TP53BP1: variants seen among roughly 807,000 people sequenced by gnomAD.
TP53BP1 encodes the protein tumor protein p53 binding protein 1.
In TP53BP1, 61 loss-of-function variants were observed where a neutral mutation model predicts 200.8. The observed-to-expected ratio is 0.30, with a 90% CI of 0.25 to 0.38. The LOEUF (loss-of-function observed/expected upper bound fraction) is 0.38. Among genes scored for constraint, TP53BP1 ranks in the 10% least tolerant of loss-of-function variants. TP53BP1 has a pLI of 1.00. For synonymous variants in TP53BP1, 822 were observed against 844.3 expected (o/e 0.97, Z 0.46); for missense variants, 2,144 against 2,371.9 (o/e 0.90, Z 2.00).
intron 11 of TP53BP1, among the ~76,000 whole-genome samples, chr15:43,467,725 A>T (rs2046620351): frequency 6.6e-6 from 1 of 152,058 alleles, no homozygotes; most frequent in East Asian, 1.9e-4. Context: ...CATTTTCTTT[A>T]AATCAGTGTT....
intron 15 of TP53BP1, among the ~76,000 whole-genome samples, chr15:43,439,970 C>G (rs2045887706): frequency 6.6e-6 from 1 of 152,158 alleles, no homozygotes; most frequent in Non-Finnish European, 1.5e-5. Flanking sequence ...AAAAAGGACT[C>G]TACGGTACTT....
In TP53BP1 at chr15:43,432,651, G is replaced by A. The variant is rs779216824; in HGVS notation, c.3218C>T (p.Ser1073Phe). ...IRGNLLHFPSSQGEEEKEKLE... is the reference protein window; with the variant it reads ...IRGNLLHFPSFQGEEEKEKLE... ...TTTTTCTTTCTCCTCTTCTCCTTGAGAACTTGGAAAGTGGAGCAAGTTCCC... is the reference window on the plus strand; with the variant it reads ...TTTTTCTTTCTCCTCTTCTCCTTGAAAACTTGGAAAGTGGAGCAAGTTCCC... Residue 1073 changes from serine to phenylalanine, a missense_variant, in exon 17 of 28, where the codon TCT (serine) becomes TTT (phenylalanine). Around this residue, in one of 4 missense-constraint regions of TP53BP1, gnomAD observed 1,700 missense variants for 1,710.3 expected, o/e 0.99. Transcript: ENST00000382044. 3 of 1,605,322 alleles carry A rather than the reference G, an allele frequency of 1.9e-6. No individual in the cohort carries two copies. Among genetic ancestry groups the A allele is most frequent in the African/African-American group, 1.3e-5 (1 of 74,682 alleles).
In TP53BP1 at chr15:43,432,410, G is replaced by A; in HGVS notation, c.3459C>T (p.Ser1153=). ...TGGTTTGGATTCCTATGTTATTTTG[G>A]CTGGGCCTTTCAATCAAGGCCTTAC... ...NPSKALIERP[S]QNNIGIQTME... is the part of the protein sequence containing the mutation. The change falls in exon 17 of 28, where the codon AGC becomes AGT. Residue 1153 remains serine (S), a synonymous_variant. Transcript: ENST00000382044. The A allele has an allele frequency of 6.2e-7, 1 of 1,614,140 alleles. No individual in the cohort carries two copies. Among genetic ancestry groups the A allele is most frequent in the Non-Finnish European group, 8.5e-7 (1 of 1,180,014 alleles).
rs772120085 is a variant in TP53BP1 at position 43,456,811 on chromosome 15, C to T, written c.1797G>A (p.Arg599=). The change falls in exon 12 of 28, where the codon AGG becomes AGA. Residue 599 remains arginine, a synonymous_variant. Coordinates refer to ENST00000382044, the MANE Select transcript of TP53BP1 (RefSeq NM_001141980.3). ...DKTKGDDTDT[R]DDISILATGC... Reference sequence around the variant, plus strand: ...CAGTGGCTAAAATACTAATGTCATCCCTGGTGTCTGTATCATCTCCCTTTG... The same window carrying T: ...CAGTGGCTAAAATACTAATGTCATCTCTGGTGTCTGTATCATCTCCCTTTG... 3.1e-6 allele frequency: 5 copies of T among 1,613,832 alleles called. No individual in the cohort carries two copies. The African/African-American group carries it at 6.7e-5, about 22-fold the overall frequency.
At chr15:43,508,246 G>C (rs747228577) in intron 1 of TP53BP1, among the ~76,000 whole-genome samples, 1 of 152,120 alleles carries the variant, frequency 6.6e-6, no homozygotes, top group Non-Finnish European at 1.5e-5. Flanking sequence ...TGTAGTCCCA[G>C]CTACTCAGGA....
At chr15:43,407,799 A>T (rs1165343723) in intron 27 of TP53BP1, 144 bp downstream of exon 27, 2 of 884,992 alleles carry the variant, frequency 2.3e-6, no homozygotes, top group Non-Finnish European at 3.5e-6. Flanking sequence ...ATGTTGACTC[A>T]CCTCTTGAAG....
Position 43,455,941 on chromosome 15 carries a change from C to A in TP53BP1, c.2667G>T (p.Leu889=). 6.2e-7 allele frequency: 1 copy of A among 1,614,146 alleles called. No individual in the cohort carries two copies. Among genetic ancestry groups the A allele is most frequent in the Non-Finnish European group, 8.5e-7 (1 of 1,180,034 alleles). ...QLSSDAEAQK[L]GKPSAHASQS... ...GTGAGGCATGGGCAGAGGGCTTCCCCAGCTTCTGGGCCTCTGCATCTGAGC... is the reference window on the plus strand; with the variant it reads ...GTGAGGCATGGGCAGAGGGCTTCCCAAGCTTCTGGGCCTCTGCATCTGAGC... The change falls in exon 12 of 28, where the codon CTG becomes CTT. Residue 889 remains leucine (L), a synonymous_variant. Coordinates refer to ENST00000382044, the MANE Select transcript of TP53BP1 (RefSeq NM_001141980.3).
In TP53BP1 at chr15:43,404,513, A is replaced by G. The variant is rs776580058; in HGVS notation, c.*2870T>C. On this transcript the variant is annotated 3_prime_UTR_variant, in exon 28 of 28. Coordinates refer to ENST00000382044, the MANE Select transcript of TP53BP1 (RefSeq NM_001141980.3). ...GCTCAACTACTGTTACGACTAGATT[A>G]TAACAAATACTATACCCAGGCTGGT... 1 of 1,614,178 alleles carries G rather than the reference A, an allele frequency of 6.2e-7. No homozygotes were observed. The highest frequency in any genetic ancestry group is 1.7e-5 in the Admixed American group (1 of 60,018).
chr15:43,456,977 T>C lies in TP53BP1; in HGVS notation c.1631A>G (p.Asp544Gly). 6.2e-7 allele frequency: 1 copy of C among 1,614,216 alleles called. No individual in the cohort carries two copies. The highest frequency in any genetic ancestry group is 8.5e-7 in the Non-Finnish European group (1 of 1,180,050). The change falls in exon 12 of 28, where the codon GAT becomes GGT. Residue 544 changes from aspartate (D) to glycine (G), a missense_variant. Physicochemically the swap from Asp to Gly is moderately conservative, Grantham distance 94. Around this residue, in one of 4 missense-constraint regions of TP53BP1, gnomAD observed 1,700 missense variants for 1,710.3 expected, o/e 0.99. Coordinates refer to ENST00000382044, the MANE Select transcript of TP53BP1 (RefSeq NM_001141980.3). ...ATCCTCAATCTGTGTGTTTTCTCCATCTTCATCAATTCTGTGAGAACTCAA... is the reference window on the plus strand; with the variant it reads ...ATCCTCAATCTGTGTGTTTTCTCCACCTTCATCAATTCTGTGAGAACTCAA... ...ESLSSHRIDE[D>G]GENTQIEDTE...
rs943862649 is a variant in TP53BP1, at chr15:43,406,883, G to A, written c.*500C>T. The A allele has an allele frequency of 3.6e-6, 1 of 280,616 alleles. No individual in the cohort carries two copies. The highest frequency in any genetic ancestry group is 7.0e-6 in the Non-Finnish European group (1 of 142,990). The allele number at this position is 280,616 out of a possible 1,614,324, so 17.4% of individuals were successfully genotyped here. ...TAAGAGTTGGGGAGTACCCACAGGT[G>A]AGCTGTGATCTCAGCTCAGAGAGAG... On this transcript the variant is annotated 3_prime_UTR_variant, in exon 28 of 28. Coordinates refer to ENST00000382044, the MANE Select transcript of TP53BP1 (RefSeq NM_001141980.3).
chr15:43,408,470 G>A (rs1376318805), intron 26 of TP53BP1: 3 of 262,884 alleles, frequency 1.1e-5, no homozygotes, highest in Non-Finnish European at 2.2e-5. Flanking sequence ...GACAGAGCAA[G>A]ACTTCATCTT....
chr15:43,418,689 C>T (rs536560493), intron 21 of TP53BP1, among the ~76,000 whole-genome samples: 1 of 152,172 alleles, frequency 6.6e-6, no homozygotes, highest in African/African-American at 2.4e-5. Context: ...TAACAACAAG[C>T]ATAACCACAA....
chr15:43,488,207 G>C (rs542967246), intron 4 of TP53BP1, among the ~76,000 whole-genome samples: 1 of 152,154 alleles, frequency 6.6e-6, no homozygotes, highest in East Asian at 1.9e-4. Flanking sequence ...GCTGAGATGG[G>C]AGGATTGCTT....
rs1473825698 is a variant in TP53BP1 at position 43,405,165 on chromosome 15, G to A, written c.*2218C>T. ...TTTCTTTGAAGGTAGTCTTGGGAAA[G>A]CATGACACTTAATAAGGCTCTTTTT... On this transcript the variant is annotated 3_prime_UTR_variant, in exon 28 of 28. Transcript: ENST00000382044. 12 of 1,613,402 alleles carry A rather than the reference G, an allele frequency of 7.4e-6. No individual in the cohort carries two copies. The highest frequency in any genetic ancestry group is 3.3e-5 in the Admixed American group (2 of 59,976).
At position 43,491,736 on chromosome 15, in the gene TP53BP1, T is replaced by C; in HGVS notation, c.304A>G (p.Asn102Asp). The C allele has an allele frequency of 6.2e-7, 1 of 1,614,028 alleles. No homozygotes were observed. The highest frequency in any genetic ancestry group is 2.2e-5 in the East Asian group (1 of 44,880). ...NKVADPVDSS[N>D]LDTCGSISQV... ...CTGATGGAACCACATGTGTCCAAGT[T>C]AGAAGAATCCACAGGGTCTGAAAAA... The change falls in exon 4 of 28, where the codon AAC becomes GAC. Residue 102 changes from asparagine to aspartate, a missense_variant. By Grantham distance (23) the Asn-to-Asp change is conservative. Transcript: ENST00000382044.
intron 15 of TP53BP1, among the ~76,000 whole-genome samples, chr15:43,439,842 G>C (rs905626142): frequency 6.6e-6 from 1 of 152,122 alleles, no homozygotes; most frequent in African/African-American, 2.4e-5. Flanking sequence ...ATATGCACAA[G>C]TACAGACTAA....
intron 11 of TP53BP1, among the ~76,000 whole-genome samples, chr15:43,467,584 A>T (rs184160299): frequency 1.6e-4 from 25 of 152,266 alleles, no homozygotes; most frequent in Middle Eastern, 3.4e-3. Context: ...CAATTCCTTC[A>T]ACAGTGCCTT....
At position 43,481,026 on chromosome 15, in the gene TP53BP1, C is replaced by G; in HGVS notation, c.372-4G>C. On this transcript the variant is annotated splice_polypyrimidine_tract_variant and splice_region_variant and intron_variant, in intron 4 of 27. Transcript: ENST00000382044. ...TTCCACTGACATTCCCAGAACACTA[C>G]ACAGCAGAAGGATATAATCATGTGT... The G allele has an allele frequency of 6.2e-7, 1 of 1,614,048 alleles. No homozygotes were observed. The highest frequency in any genetic ancestry group is 2.2e-5 in the East Asian group (1 of 44,864).
chr15:43,462,786 G>A lies in TP53BP1; in HGVS notation c.1390-5568C>T, dbSNP rs193256928. ...AACTAAACAATTCAGGCCAGGCGTG[G>A]TGGCTCATGCCTGTAATTCCAGCAC... is the stretch of plus-strand genomic sequence containing the variant. On this transcript the variant is annotated intron_variant, in intron 11 of 27. Transcript: ENST00000382044. Among the ~76,000 whole-genome samples, 14 of 152,256 alleles carry A rather than the reference G, an allele frequency of 9.2e-5. No homozygotes were observed. The East Asian group carries it at 2.5e-3, about 27-fold the overall frequency.
Sources: gnomAD v4.1 joint callset for allele counts (sites outside exome capture counted in the v4.1 genomes callset) on GRCh38, gnomAD v4.1.1 for gene constraint, gnomAD v4.1.1 regional missense constraint, MANE v1.5 for transcripts, NCBI Gene and HGNC (gene_info 2026-07-23, HGNC 2026-07-21) for gene names.